The following MRPS35 variants were observed in gnomAD, a reference collection of about 807,000 sequenced individuals.
MRPS35 encodes small ribosomal subunit protein mS35.
A neutral mutation model predicts 32.7 loss-of-function variants in MRPS35; 29 were observed. The ratio of observed to expected loss-of-function variants is 0.89; its 90% CI spans 0.66 to 1.21. The LOEUF (loss-of-function observed/expected upper bound fraction) is 1.21, where lower values mean the gene tolerates loss of function less well. Among genes scored for constraint, MRPS35 ranks in the 50% most tolerant of loss-of-function variants. The probability of loss-of-function intolerance (pLI) is 0.00; values close to 1 mark genes in which losing one functional copy is unlikely to be tolerated. For missense variants in MRPS35, 373 were observed against 383.8 expected (o/e 0.97, Z 0.23); for synonymous variants, 148 against 139.3 (o/e 1.06, Z -0.44).
chr12:27,743,686 T>C lies in MRPS35; in HGVS notation c.702+6078T>C, dbSNP rs541856525. 2.0e-5 allele frequency among the ~76,000 whole-genome samples: 3 copies of C among 152,222 alleles called. No individual in the cohort carries two copies. In the East Asian group the frequency reaches 5.8e-4, roughly 29 times the overall value. On this transcript the variant is annotated intron_variant, in intron 7 of 7. Coordinates refer to ENST00000081029, the MANE Select transcript of MRPS35 (RefSeq NM_021821.4). ...GGTGTAATAATAAATATCACAAAAG[T>C]GTTAAGGTTGTCTTAGTTTGAGCTA...
At chr12:27,721,395 C>A (rs1343455957) in intron 4 of MRPS35, among the ~76,000 whole-genome samples, 1 of 152,198 alleles carries the variant, frequency 6.6e-6, no homozygotes, top group Non-Finnish European at 1.5e-5. Flanking sequence ...TGGTGCCTCA[C>A]ACCTGTAATG....
At chr12:27,734,242 C>CT (rs34818669) in intron 5 of MRPS35, among the ~76,000 whole-genome samples, 17,738 of 135,502 alleles carry the variant, frequency 0.13, 1,340 homozygotes, top group East Asian at 0.18. Context: ...AACCTATCTT[C>CT]TTTTTTTTTT....
intron 3 of MRPS35, 108 bp from the exon 4 acceptor site, chr12:27,719,700 A>G: frequency 1.5e-6 from 1 of 645,810 alleles, no homozygotes; most frequent in East Asian, 3.1e-5. Context: ...AACAGATTTT[A>G]TTTACTACAT....
intron 3 of MRPS35, among the ~76,000 whole-genome samples, chr12:27,718,516 G>GCT (rs2061860052): frequency 6.6e-6 from 1 of 152,168 alleles, no homozygotes; most frequent in Non-Finnish European, 1.5e-5. Flanking sequence ...GAGCCTTTAA[G>GCT]CTCTTTCAGA....
chr12:27,719,799 CTATT>C lies in MRPS35; in HGVS notation c.322-6_322-3del. 2 of 1,557,690 alleles carry C rather than the reference CTATT, an allele frequency of 1.3e-6. No individual in the cohort carries two copies. The highest frequency in any genetic ancestry group is 1.8e-6 in the Non-Finnish European group (2 of 1,133,978). On this transcript the variant is annotated splice_region_variant and splice_polypyrimidine_tract_variant and intron_variant, in intron 3 of 7. Coordinates refer to ENST00000081029, the MANE Select transcript of MRPS35 (RefSeq NM_021821.4). ...TAGCTAATTTATCTTTTAAATTTCTCTATTTAAGATTCCCAATTTTCTGCATTTG... is the reference window on the plus strand; with the variant it reads ...TAGCTAATTTATCTTTTAAATTTCTCTAAGATTCCCAATTTTCTGCATTTG...
chr12:27,753,407 T>G (rs1471540943), intron 7 of MRPS35, among the ~76,000 whole-genome samples: 3 of 152,134 alleles, frequency 2.0e-5, no homozygotes, highest in East Asian at 3.8e-4. Context: ...CTCTTTACCC[T>G]TGGAGGAACA....
At chr12:27,719,404 C>T (rs1164702750) in intron 3 of MRPS35, among the ~76,000 whole-genome samples, 4 of 152,136 alleles carry the variant, frequency 2.6e-5, no homozygotes, top group Non-Finnish European at 4.4e-5. Flanking sequence ...CGGTGGCTCA[C>T]GCCTGTAATC....
chr12:27,729,361 A>T (rs1478263938), intron 5 of MRPS35, among the ~76,000 whole-genome samples: 1 of 152,076 alleles, frequency 6.6e-6, no homozygotes, highest in Non-Finnish European at 1.5e-5. Flanking sequence ...TTCTTTCGGA[A>T]ATTTCTCAAG....
chr12:27,734,242 CT>C (rs34818669), intron 5 of MRPS35, among the ~76,000 whole-genome samples: 167 of 135,466 alleles, frequency 1.2e-3, no homozygotes, highest in Non-Finnish European at 1.3e-3. Flanking sequence ...AACCTATCTT[CT>C]TTTTTTTTTT....
chr12:27,712,272 G>A (rs967481485), intron 1 of MRPS35, among the ~76,000 whole-genome samples: 1 of 152,186 alleles, frequency 6.6e-6, no homozygotes, highest in Non-Finnish European at 1.5e-5. Context: ...CTAAGTGTGA[G>A]TAGAGGAGAG....
chr12:27,751,844 TG>T (rs1308860371), intron 7 of MRPS35, among the ~76,000 whole-genome samples: 1 of 152,122 alleles, frequency 6.6e-6, no homozygotes, highest in Non-Finnish European at 1.5e-5. Flanking sequence ...ATATAACAAG[TG>T]GGGGTGTGCG....
chr12:27,743,772 T>G (rs1351528808), intron 7 of MRPS35, among the ~76,000 whole-genome samples: 1 of 152,186 alleles, frequency 6.6e-6, no homozygotes, highest in Non-Finnish European at 1.5e-5. Flanking sequence ...CTCACAGTTC[T>G]AGAGGCTGGG....
At position 27,735,661 on chromosome 12, in the gene MRPS35, C is replaced by T. The variant is rs576994836; in HGVS notation, c.632+105C>T. On this transcript the variant is annotated intron_variant, in intron 6 of 7. Transcript: ENST00000081029. ...AAACTATATTGAAGATGGGGGAGGG[C>T]GTAGCCTTTTCTTATTAAGCAGAGT... is the stretch of plus-strand genomic sequence containing the variant. The T allele has an allele frequency of 1.5e-4, 116 of 794,610 alleles. No individual in the cohort carries two copies. The African/African-American group carries it at 1.8e-3, about 12-fold the overall frequency. The allele number at this position is 794,610 out of a possible 1,614,324, so 49.2% of individuals were successfully genotyped here.
intron 5 of MRPS35, among the ~76,000 whole-genome samples, chr12:27,731,214 C>T (rs1053383280): frequency 6.6e-6 from 1 of 152,156 alleles, no homozygotes; most frequent in Non-Finnish European, 1.5e-5. Context: ...ACAAAATGCT[C>T]TGGGCTCTTT....
intron 7 of MRPS35, 117 bp downstream of exon 7, chr12:27,737,725 T>A: frequency 1.3e-6 from 1 of 757,022 alleles, no homozygotes; most frequent in Non-Finnish European, 2.2e-6. Flanking sequence ...CTGAATAATC[T>A]AAGTATGTAT....
intron 5 of MRPS35, among the ~76,000 whole-genome samples, chr12:27,731,340 T>C (rs941253893): frequency 3.9e-5 from 6 of 152,202 alleles, no homozygotes; most frequent in African/African-American, 1.2e-4. Flanking sequence ...CCTCAAAATA[T>C]TAACTTTTAT....
At chr12:27,724,641 G>A (rs2061892335) in intron 5 of MRPS35, among the ~76,000 whole-genome samples, 2 of 152,056 alleles carry the variant, frequency 1.3e-5, no homozygotes, top group East Asian at 1.9e-4. Flanking sequence ...TACTCCGGAG[G>A]CTGAGGCAGG....
rs117306319 is a variant in MRPS35, at chr12:27,730,517, C to T, written c.523-4930C>T. On this transcript the variant is annotated intron_variant, in intron 5 of 7. Coordinates refer to ENST00000081029, the MANE Select transcript of MRPS35 (RefSeq NM_021821.4). ...ACGCTGGAGTGCAGTGGCACAAGCA[C>T]GGCTCACTGCAGCCTCGACCTTCCC... Among the ~76,000 whole-genome samples the T allele has an allele frequency of 7.5e-3, 1,144 of 152,246 alleles. 21 individuals carry two copies. Among genetic ancestry groups the T allele is most frequent in the East Asian group, 0.06 (312 of 5,170 alleles).
chr12:27,731,234 A>T (rs569440113), intron 5 of MRPS35, among the ~76,000 whole-genome samples: 74 of 152,198 alleles, frequency 4.9e-4, no homozygotes, highest in African/African-American at 1.7e-3. Context: ...TCCCTGTCCC[A>T]TTCCTAGAAT....
Sources: gnomAD v4.1 joint callset for allele counts (sites outside exome capture counted in the v4.1 genomes callset) on GRCh38, gnomAD v4.1.1 for gene constraint, MANE v1.5 for transcripts, NCBI Gene and HGNC (gene_info 2026-07-23, HGNC 2026-07-21) for gene names.